The following CSMD1 variants were observed in gnomAD, a reference collection of about 807,000 sequenced individuals.
CSMD1 encodes CUB and Sushi multiple domains 1, also known as CUB and sushi domain-containing protein 1.
Under a neutral mutation model 417.5 loss-of-function variants are expected in CSMD1, and 213 were observed. The observed-to-expected ratio is 0.51, with a 90% CI of 0.46 to 0.57. The LOEUF is 0.57. Among genes scored for constraint, CSMD1 ranks in the 20% least tolerant of loss-of-function variants. The pLI is 0.00. For missense variants in CSMD1, 6,923 were observed against 4,529.7 expected (o/e 1.53, Z -15.17); for synonymous variants, 2,862 against 1,736.8 (o/e 1.65, Z -16.11).
intron 7 of CSMD1, among the ~76,000 whole-genome samples, chr8:3,648,747 C>G (rs1414588533): frequency 6.6e-6 from 1 of 152,118 alleles, no homozygotes; most frequent in South Asian, 2.1e-4. Context: ...TGTCTGTGCA[C>G]CTGAGACATA....
chr8:2,945,637 G>C (rs1053472970), intron 68 of CSMD1, among the ~76,000 whole-genome samples: 1 of 152,042 alleles, frequency 6.6e-6, no homozygotes, highest in Non-Finnish European at 1.5e-5. Flanking sequence ...ATTATCGTAC[G>C]AGGGTCTTCA....
At chr8:4,717,231 T>C (rs1233281310) in intron 1 of CSMD1, among the ~76,000 whole-genome samples, 3 of 150,926 alleles carry the variant, frequency 2.0e-5, no homozygotes, top group Non-Finnish European at 4.4e-5. Flanking sequence ...ATACATAACA[T>C]AGCTACCTTG....
chr8:4,096,515 C>G (rs1289238039), intron 3 of CSMD1, among the ~76,000 whole-genome samples: 1 of 152,130 alleles, frequency 6.6e-6, no homozygotes, highest in Non-Finnish European at 1.5e-5. Context: ...CCAATGACTA[C>G]TTAGAAAAAA....
At chr8:4,139,080 CT>C (rs1161238306) in intron 3 of CSMD1, among the ~76,000 whole-genome samples, 4 of 152,164 alleles carry the variant, frequency 2.6e-5, no homozygotes, top group Admixed American at 2.0e-4. Context: ...GCAACAATGT[CT>C]TTTACCGACC....
At chr8:4,489,610 G>A (rs1015601910) in intron 2 of CSMD1, among the ~76,000 whole-genome samples, 1 of 152,106 alleles carries the variant, frequency 6.6e-6, no homozygotes, top group Non-Finnish European at 1.5e-5. Context: ...TCTTTAGTGT[G>A]GCATGGCCTG....
chr8:4,597,864 G>A (rs890769992), intron 2 of CSMD1, among the ~76,000 whole-genome samples: 1 of 152,152 alleles, frequency 6.6e-6, no homozygotes, highest in African/African-American at 2.4e-5. Context: ...CTGATGCAGT[G>A]AGAGAGACAC....
At chr8:4,072,523 A>T (rs553109294) in intron 3 of CSMD1, among the ~76,000 whole-genome samples, 2 of 152,166 alleles carry the variant, frequency 1.3e-5, no homozygotes, top group Non-Finnish European at 2.9e-5. Flanking sequence ...AAAGCTCTAA[A>T]CAGGAATCAC....
intron 1 of CSMD1, among the ~76,000 whole-genome samples, chr8:4,920,465 C>T (rs1806360932): frequency 6.6e-6 from 1 of 152,136 alleles, no homozygotes; most frequent in Admixed American, 6.5e-5. Flanking sequence ...AAGTATATGT[C>T]TGCAGCAAGA....
At chr8:4,971,254 T>C (rs1054688293) in intron 1 of CSMD1, among the ~76,000 whole-genome samples, 2 of 152,120 alleles carry the variant, frequency 1.3e-5, no homozygotes, top group African/African-American at 4.8e-5. Context: ...TTAAAAATTA[T>C]TTTATATAAG....
rs1001849932 is a variant in CSMD1 at position 3,586,144 on chromosome 8, A to T, written c.1214T>A (p.Ile405Asn). ...TLAAWSDHRP[I>N]CRARTCGSNL... The stretch of plus-strand genomic sequence containing the variant: ...CACCGCAGGTGCCTTACCTCGGCAG[A>T]TGGGCCTGTGGTCACTCCAAGCAGC... The change falls in exon 9 of 70, where the codon ATC (isoleucine) becomes AAC (asparagine). Residue 405 changes from isoleucine (I) to asparagine (N), a missense_variant. Physicochemically the swap from Ile to Asn is moderately radical, Grantham distance 149 (BLOSUM62 -3). Transcript: ENST00000635120. 4.3e-6 allele frequency: 7 copies of T among 1,612,088 alleles called. No homozygotes were observed. The highest frequency in any genetic ancestry group is 5.9e-6 in the Non-Finnish European group (7 of 1,179,180).
chr8:4,279,200 A>C (rs987379935), intron 3 of CSMD1, among the ~76,000 whole-genome samples: 1 of 151,118 alleles, frequency 6.6e-6, no homozygotes, highest in Middle Eastern at 3.2e-3. Context: ...AACGCAGTAT[A>C]CACACTAACA....
intron 3 of CSMD1, among the ~76,000 whole-genome samples, chr8:4,182,578 G>A (rs1022187017): frequency 2.0e-5 from 3 of 152,110 alleles, no homozygotes; most frequent in South Asian, 2.1e-4. Flanking sequence ...TCACAGAAAA[G>A]AATTTAGCAT....
At chr8:4,395,898 T>A (rs181147120) in intron 3 of CSMD1, among the ~76,000 whole-genome samples, 1 of 152,026 alleles carries the variant, frequency 6.6e-6, no homozygotes. Context: ...GAAACACATA[T>A]AAGTGTAATT....
chr8:3,159,297 T>G (rs550333646), intron 38 of CSMD1, among the ~76,000 whole-genome samples: 1 of 152,210 alleles, frequency 6.6e-6, no homozygotes, highest in Non-Finnish European at 1.5e-5. Context: ...CTACAAGTTT[T>G]CTAATAAATC....
In CSMD1 at chr8:2,973,422, C is replaced by G. The variant is rs111987092; in HGVS notation, c.8741-123G>C. On this transcript the variant is annotated intron_variant, in intron 56 of 69. Transcript: ENST00000635120. ...GTGTTTCACATGAGTTATGGTTACA[C>G]AACATTCTGCAATCTTGTAAGAAAG... is the stretch of plus-strand genomic sequence containing the variant. The G allele has an allele frequency of 5.6e-4, 497 of 891,078 alleles. 3 individuals carry two copies. The African/African-American group carries it at 7.4e-3, about 13-fold the overall frequency. The allele number at this position is 891,078 out of a possible 1,614,324, so 55.2% of individuals were successfully genotyped here.
chr8:3,837,986 T>C (rs1228888389), intron 5 of CSMD1, among the ~76,000 whole-genome samples: 1 of 152,106 alleles, frequency 6.6e-6, no homozygotes, highest in Non-Finnish European at 1.5e-5. Context: ...CTAAACTGGC[T>C]TCTTGGACTT....
intron 1 of CSMD1, among the ~76,000 whole-genome samples, chr8:4,700,744 A>G (rs969881158): frequency 1.3e-5 from 2 of 152,236 alleles, no homozygotes; most frequent in African/African-American, 2.4e-5. Context: ...ACATTTTATT[A>G]TATGCAACTT....
chr8:4,744,534 C>G (rs914749764), intron 1 of CSMD1, among the ~76,000 whole-genome samples: 7 of 152,114 alleles, frequency 4.6e-5, no homozygotes, highest in African/African-American at 7.2e-5. Flanking sequence ...AATTACCTGT[C>G]TATATTTAGA....
At chr8:3,340,109 G>T (rs1807549793) in intron 23 of CSMD1, among the ~76,000 whole-genome samples, 1 of 152,136 alleles carries the variant, frequency 6.6e-6, no homozygotes, top group Non-Finnish European at 1.5e-5. Flanking sequence ...CCTGCCAAAT[G>T]AGGATCACCG....
Sources: allele counts gnomAD v4.1 joint callset (sites outside exome capture counted in the v4.1 genomes callset), GRCh38; gene constraint gnomAD v4.1.1; transcripts MANE v1.5; gene names NCBI Gene and HGNC (gene_info 2026-07-23, HGNC 2026-07-21).